TCEA2: variants seen among roughly 807,000 people sequenced by gnomAD.
TCEA2 encodes transcription elongation factor A2.
In TCEA2, 21 loss-of-function variants were observed where a neutral mutation model predicts 40.8. That is an observed-to-expected ratio of 0.51 (90% CI 0.36 to 0.74). The LOEUF (loss-of-function observed/expected upper bound fraction) is 0.74, where lower values mean the gene tolerates loss of function less well. TCEA2 is among the 30% of genes least tolerant of loss of function. TCEA2 has a pLI of 0.00. For synonymous variants in TCEA2, 165 were observed against 162.7 expected (o/e 1.01, Z -0.11); for missense variants, 326 against 426.5 (o/e 0.76, Z 2.08).
At chr20:64,057,898 G>A (rs2059494309) in intron 1 of TCEA2, among the ~76,000 whole-genome samples, 2 of 152,170 alleles carry the variant, frequency 1.3e-5, no homozygotes, top group Non-Finnish European at 2.9e-5. Flanking sequence ...GGGGCTTGGG[G>A]GTGGGGTGGT....
At chr20:64,067,974 T>C in intron 3 of TCEA2, 73 bp from the exon 4 acceptor site, 1 of 1,194,898 alleles carries the variant, frequency 8.4e-7, no homozygotes, top group East Asian at 2.5e-5. Flanking sequence ...GCTGAGGCTG[T>C]ACCTTGGTGG....
At chr20:64,068,157 G>A (rs1446780039) in intron 4 of TCEA2, 23 bp downstream of exon 4, 3 of 1,587,094 alleles carry the variant, frequency 1.9e-6, no homozygotes, top group Non-Finnish European at 2.6e-6. Flanking sequence ...GAAGGCAGGT[G>A]CACACACTTC....
At chr20:64,061,096 C>CTTTTTTTT (rs71197441), upstream of TCEA2, among the ~76,000 whole-genome samples, 3 of 60,530 alleles carry the variant, frequency 5.0e-5, no homozygotes, top group South Asian at 8.3e-4. Context: ...CAGCCTGAGT[C>CTTTTTTTT]TTTTTTTTTT....
intron 1 of TCEA2, 41 bp downstream of exon 1, chr20:64,063,425 C>G (rs1420743585): frequency 8.5e-6 from 13 of 1,537,674 alleles, no homozygotes; most frequent in Non-Finnish European, 1.1e-5. Flanking sequence ...AACCCCGCCC[C>G]GCCGAGACCC....
At chr20:64,058,372 C>A (rs1485475731), upstream of TCEA2, among the ~76,000 whole-genome samples, 1 of 152,272 alleles carries the variant, frequency 6.6e-6, no homozygotes, top group African/African-American at 2.4e-5. The surrounding 1 kb of genome is among the most constrained non-coding windows in gnomAD (Gnocchi z 6.7). Context: ...CCTTAAGACG[C>A]CACAGCATCT....
At chr20:64,066,149 T>G in intron 1 of TCEA2, 1 of 232,188 alleles carries the variant, frequency 4.3e-6, no homozygotes. Context: ...GGAGCTGGCA[T>G]TTCTGTTCTG....
chr20:64,061,096 CTTTTTTT>C (rs71197441), upstream of TCEA2, among the ~76,000 whole-genome samples: 8 of 60,524 alleles, frequency 1.3e-4, no homozygotes, highest in Admixed American at 1.1e-3. Flanking sequence ...CAGCCTGAGT[CTTTTTTT>C]TTTTTTTTTT....
chr20:64,060,174 C>T (rs939502810), upstream of TCEA2, among the ~76,000 whole-genome samples: 4 of 152,240 alleles, frequency 2.6e-5, no homozygotes, highest in African/African-American at 7.2e-5. Context: ...GCACCTCCTG[C>T]CCAGGAGGGG....
intron 4 of TCEA2, among the ~76,000 whole-genome samples, chr20:64,068,696 C>G (rs1227909171): frequency 6.6e-6 from 1 of 152,260 alleles, no homozygotes; most frequent in Non-Finnish European, 1.5e-5. Context: ...GACTGGGCCA[C>G]CAGGAGCTCA....
At chr20:64,072,124 G>A (rs750653231) in intron 9 of TCEA2, 48 bp from the exon 10 acceptor site, 2 of 1,611,764 alleles carry the variant, frequency 1.2e-6, no homozygotes, top group South Asian at 2.2e-5. Flanking sequence ...CCACTCTGGG[G>A]GATCTCATGT....
upstream of TCEA2, among the ~76,000 whole-genome samples, chr20:64,055,884 G>A (rs369375371): frequency 2.7e-3 from 404 of 152,200 alleles, 4 homozygotes; most frequent in African/African-American, 9.3e-3. This position sits in a 1 kb window ranked among gnomAD's most constrained non-coding sequence, Gnocchi z 4.0. Flanking sequence ...GGGCCCCTGG[G>A]AGGTGCCGCC....
intron 4 of TCEA2, among the ~76,000 whole-genome samples, 176 bp from the exon 5 acceptor site, chr20:64,069,185 A>T (rs375395015): frequency 1.3e-5 from 2 of 152,212 alleles, no homozygotes; most frequent in African/African-American, 4.8e-5. Context: ...CCCCATGGAC[A>T]TCTGGGCTGG....
upstream of TCEA2, among the ~76,000 whole-genome samples, chr20:64,059,321 T>C (rs918302808): frequency 7.2e-5 from 11 of 152,114 alleles, no homozygotes; most frequent in African/African-American, 2.7e-4. Flanking sequence ...CCCTCCCATC[T>C]TGCCCGACCG....
intron 3 of TCEA2, 147 bp downstream of exon 3, chr20:64,067,167 A>G (rs2059715102): frequency 1.3e-6 from 1 of 779,004 alleles, no homozygotes; most frequent in Non-Finnish European, 2.1e-6. Context: ...CAGACCATGA[A>G]GCGCCCAGCT....
intron 1 of TCEA2, among the ~76,000 whole-genome samples, chr20:64,065,229 C>T (rs899942192): frequency 6.6e-6 from 1 of 152,086 alleles, no homozygotes; most frequent in African/African-American, 2.4e-5. Context: ...TGGCTATCAC[C>T]TCAAGGCTGG....
At chr20:64,070,064 CTCAG>C (rs2059793139) in intron 6 of TCEA2, 192 bp from the exon 7 acceptor site, 1 of 921,678 alleles carries the variant, frequency 1.1e-6, no homozygotes, top group East Asian at 2.6e-5. Flanking sequence ...GAAGCTGGGT[CTCAG>C]TCAGGAATGG....
At chr20:64,067,923 C>A in intron 3 of TCEA2, 124 bp from the exon 4 acceptor site, 1 of 703,242 alleles carries the variant, frequency 1.4e-6, no homozygotes, top group Non-Finnish European at 2.2e-6. Context: ...GGGTGAGGGG[C>A]TGGGGGCGGG....
In TCEA2 at chr20:64,063,250, C is replaced by T. The variant is rs906954494; in HGVS notation, c.-63C>T. On this transcript the variant is annotated 5_prime_UTR_variant, in exon 1 of 10. Transcript: ENST00000343484. The stretch of plus-strand genomic sequence containing the variant: ...GTGTGGGAGGTGGCGACGGCCGGGG[C>T]CGGGGTCCTGCCCGGCTGCGGAGGC... The T allele has an allele frequency of 1.7e-5, 24 of 1,432,876 alleles. No homozygotes were observed. The highest frequency in any genetic ancestry group is 1.3e-4 in the Admixed American group (5 of 37,972). The allele number at this position is 1,432,876 out of a possible 1,614,324, so 88.8% of individuals were successfully genotyped here. A position where few individuals can be genotyped will look rare whatever the true frequency, so the allele number is the denominator to read the frequency against.
intron 4 of TCEA2, 103 bp downstream of exon 4, chr20:64,068,237 C>A: frequency 9.5e-7 from 1 of 1,057,698 alleles, no homozygotes; most frequent in East Asian, 2.6e-5. Context: ...TGCTTTGAGG[C>A]TGCACACAGA....
Sources: gnomAD v4.1 joint callset for allele counts (sites outside exome capture counted in the v4.1 genomes callset) on GRCh38, gnomAD v4.1.1 for gene constraint, Gnocchi (gnomAD v3.1) non-coding constraint, MANE v1.5 for transcripts, NCBI Gene and HGNC (gene_info 2026-07-23, HGNC 2026-07-21) for gene names.